CCDC178: variants seen among roughly 807,000 people sequenced by gnomAD.
The protein encoded by CCDC178 is coiled-coil domain-containing protein 178.
A neutral mutation model predicts 117.4 loss-of-function variants in CCDC178; 126 were observed. That is an observed-to-expected ratio of 1.07 (90% CI 0.93 to 1.24). CCDC178 has a LOEUF of 1.24. CCDC178 is among the 50% of genes most tolerant of loss of function. The pLI, the probability that CCDC178 is intolerant of heterozygous loss-of-function variation, is 0.00. For missense variants in CCDC178, 1,030 were observed against 986.9 expected, an observed-to-expected ratio of 1.04 and a Z score of -0.59; for synonymous variants, 283 against 313.4, an observed-to-expected ratio of 0.90 and a Z score of 1.02.
intron 18 of CCDC178, 40 bp from the exon 19 acceptor site, chr18:33,215,735 G>A (rs780350905): frequency 7.2e-7 from 1 of 1,387,824 alleles, no homozygotes; most frequent in Admixed American, 2.9e-5. Flanking sequence ...TTAAATACTT[G>A]GATTTTCAAA....
chr18:33,263,244 A>G (rs1003355527), intron 14 of CCDC178, among the ~76,000 whole-genome samples: 1 of 152,174 alleles, frequency 6.6e-6, no homozygotes, highest in African/African-American at 2.4e-5. Flanking sequence ...ACTTTTAGAG[A>G]TGAAGTGGGA....
intron 22 of CCDC178, among the ~76,000 whole-genome samples, chr18:32,965,929 G>T (rs2054803187): frequency 6.8e-6 from 1 of 147,882 alleles, no homozygotes; most frequent in East Asian, 2.0e-4. Context: ...TTAAATAAAT[G>T]CTTATTTTAT....
At chr18:33,297,633 G>A (rs1239144945) in intron 11 of CCDC178, among the ~76,000 whole-genome samples, 2 of 152,062 alleles carry the variant, frequency 1.3e-5, no homozygotes, top group Non-Finnish European at 2.9e-5. Flanking sequence ...AGAAGAAACA[G>A]AAAGCCTAAA....
chr18:33,344,412 G>C (rs1050800366), intron 9 of CCDC178, among the ~76,000 whole-genome samples: 1 of 150,962 alleles, frequency 6.6e-6, no homozygotes, highest in Non-Finnish European at 1.5e-5. Flanking sequence ...ACATAAATCT[G>C]TTTTCTAAGT....
intron 9 of CCDC178, among the ~76,000 whole-genome samples, chr18:33,341,721 T>G (rs2062819587): frequency 6.6e-6 from 1 of 152,192 alleles, no homozygotes; most frequent in Non-Finnish European, 1.5e-5. Flanking sequence ...AGAAGTGCCT[T>G]TAGCCTCCTG....
chr18:33,235,802 G>T (rs2059419618), intron 15 of CCDC178, among the ~76,000 whole-genome samples: 1 of 152,174 alleles, frequency 6.6e-6, no homozygotes, highest in Non-Finnish European at 1.5e-5. Context: ...GACAATTCTA[G>T]ATGGTTTTCT....
At chr18:33,306,594 ATATATGGTTTTTTATATATATATGGT>A (rs1311664363) in intron 11 of CCDC178, among the ~76,000 whole-genome samples, 1 of 111,360 alleles carries the variant, frequency 9.0e-6, no homozygotes, top group African/African-American at 3.4e-5. Flanking sequence ...ATATATGGTT[ATATATGGTTTTTTATATATATATGGT>A]TATATATATA....
In CCDC178 at chr18:33,123,127, A is replaced by C. The variant is rs573438291; in HGVS notation, c.2239-30217T>G. On this transcript the variant is annotated intron_variant, in intron 20 of 22. Transcript: ENST00000383096. ...TTTCATCTTTATCATCACATGTAGT[A>C]GAAAGCTCACTTTTGAGGAGAGTTG... Among the ~76,000 whole-genome samples the C allele has an allele frequency of 2.6e-5, 4 of 152,284 alleles. No individual in the cohort carries two copies. The East Asian group carries it at 7.7e-4, about 29-fold the overall frequency.
chr18:33,316,864 G>A (rs1010200783), intron 11 of CCDC178, among the ~76,000 whole-genome samples: 3 of 151,830 alleles, frequency 2.0e-5, no homozygotes, highest in Non-Finnish European at 2.9e-5. Flanking sequence ...TCTAGCTCAG[G>A]GTTTGTAAAT....
intron 20 of CCDC178, among the ~76,000 whole-genome samples, chr18:33,152,553 T>C (rs1029734988): frequency 6.6e-6 from 1 of 151,724 alleles, no homozygotes; most frequent in Non-Finnish European, 1.5e-5. Context: ...GATCAAAAGA[T>C]CATGTAAGGG....
At chr18:33,026,480 C>T (rs994952987) in intron 21 of CCDC178, among the ~76,000 whole-genome samples, 1 of 151,898 alleles carries the variant, frequency 6.6e-6, no homozygotes, top group Non-Finnish European at 1.5e-5. Flanking sequence ...AATAATTTTC[C>T]AAAGTTGGTG....
At chr18:33,297,170 CTATGGGACACA>C (rs2062116318) in intron 11 of CCDC178, among the ~76,000 whole-genome samples, 2 of 151,916 alleles carry the variant, frequency 1.3e-5, no homozygotes, top group African/African-American at 4.8e-5. Context: ...TATGCCAATT[CTATGGGACACA>C]TAAAAAGAAG....
chr18:33,380,145 C>T (rs2063423318), intron 5 of CCDC178, among the ~76,000 whole-genome samples: 1 of 152,164 alleles, frequency 6.6e-6, no homozygotes, highest in South Asian at 2.1e-4. Context: ...ATAGATGCAA[C>T]TAGTCCCAGG....
intron 20 of CCDC178, among the ~76,000 whole-genome samples, chr18:33,197,003 C>T (rs1442131463): frequency 1.3e-5 from 2 of 152,004 alleles, no homozygotes; most frequent in Non-Finnish European, 2.9e-5. Context: ...GCCTTAATTC[C>T]CCTTGATTTA....
At chr18:33,260,526 C>G (rs908668939) in intron 14 of CCDC178, among the ~76,000 whole-genome samples, 1 of 149,720 alleles carries the variant, frequency 6.7e-6, no homozygotes, top group Admixed American at 6.6e-5. Context: ...ATCAATTTAT[C>G]TTCTCAGATA....
At chr18:33,114,354 A>G (rs2057823411) in intron 20 of CCDC178, among the ~76,000 whole-genome samples, 1 of 151,998 alleles carries the variant, frequency 6.6e-6, no homozygotes, top group Admixed American at 6.6e-5. Context: ...AAATCACCAT[A>G]CAGAAGTCCG....
chr18:33,245,038 G>C (rs2059531707), intron 15 of CCDC178, among the ~76,000 whole-genome samples: 1 of 151,940 alleles, frequency 6.6e-6, no homozygotes, highest in African/African-American at 2.4e-5. Flanking sequence ...AGAAACAATT[G>C]TGGATTAGCT....
chr18:33,227,598 A>G (rs751513374), intron 15 of CCDC178, among the ~76,000 whole-genome samples: 14 of 148,570 alleles, frequency 9.4e-5, no homozygotes, highest in Non-Finnish European at 1.5e-4. Flanking sequence ...ACACACACAC[A>G]TAGTTTTGCA....
intron 7 of CCDC178, among the ~76,000 whole-genome samples, chr18:33,355,483 C>T (rs530631408): frequency 1.3e-5 from 2 of 152,342 alleles, no homozygotes; most frequent in African/African-American, 4.8e-5. Flanking sequence ...TGTTTAAACC[C>T]TGACTCTGTC....
Sources: gnomAD v4.1 joint callset for allele counts (sites outside exome capture counted in the v4.1 genomes callset) on GRCh38, gnomAD v4.1.1 for gene constraint, MANE v1.5 for transcripts, NCBI Gene and HGNC (gene_info 2026-07-23, HGNC 2026-07-21) for gene names.